The following ZDHHC17 variants were observed in gnomAD, a reference collection of about 807,000 sequenced individuals.
The protein encoded by ZDHHC17 is zDHHC palmitoyltransferase 17.
A neutral mutation model predicts 90.3 loss-of-function variants in ZDHHC17; 40 were observed. That is an observed-to-expected ratio of 0.44 (90% CI 0.34 to 0.58). The LOEUF (loss-of-function observed/expected upper bound fraction) is 0.58, where lower values mean the gene tolerates loss of function less well. Among genes scored for constraint, ZDHHC17 ranks in the 20% least tolerant of loss-of-function variants. The probability of loss-of-function intolerance (pLI) is 0.01; values close to 1 mark genes in which losing one functional copy is unlikely to be tolerated. For missense variants in ZDHHC17, 614 were observed against 780.8 expected (o/e 0.79, Z 2.55); for synonymous variants, 235 against 252.4 (o/e 0.93, Z 0.65).
chr12:76,770,715 A>G (rs952939867), intron 1 of ZDHHC17, among the ~76,000 whole-genome samples: 13 of 152,240 alleles, frequency 8.5e-5, no homozygotes, highest in African/African-American at 3.1e-4. Context: ...AGGCTGGCAG[A>G]TCTCCTGAGG....
At chr12:76,781,026 C>T (rs1313016965) in intron 1 of ZDHHC17, among the ~76,000 whole-genome samples, 7 of 147,602 alleles carry the variant, frequency 4.7e-5, no homozygotes, top group African/African-American at 1.3e-4. Flanking sequence ...CCCAGCTACT[C>T]GGGAGGCTGA....
At chr12:76,815,116 G>A (rs375994189) in intron 5 of ZDHHC17, 30 bp from the exon 6 acceptor site, 6 of 1,505,328 alleles carry the variant, frequency 4.0e-6, no homozygotes, top group Admixed American at 2.1e-5. Flanking sequence ...TAATTTAACT[G>A]TCTGACTTTT....
chr12:76,820,575 C>G (rs756917834), intron 7 of ZDHHC17, among the ~76,000 whole-genome samples: 3 of 152,122 alleles, frequency 2.0e-5, no homozygotes, highest in Non-Finnish European at 4.4e-5. Flanking sequence ...TATAAAATTA[C>G]TGAGCTCTGT....
At chr12:76,818,152 T>C (rs546917619) in intron 7 of ZDHHC17, among the ~76,000 whole-genome samples, 2 of 152,338 alleles carry the variant, frequency 1.3e-5, no homozygotes, top group East Asian at 1.9e-4. Context: ...TAAGGAATTA[T>C]TGTATTTGCT....
intron 7 of ZDHHC17, among the ~76,000 whole-genome samples, chr12:76,817,644 T>C (rs912251673): frequency 2.0e-5 from 3 of 152,068 alleles, no homozygotes; most frequent in African/African-American, 7.2e-5. Flanking sequence ...GTCACAGTCA[T>C]TGGGATTTGA....
intron 2 of ZDHHC17, 76 bp downstream of exon 2, chr12:76,797,613 T>G (rs1952836032): frequency 1.7e-6 from 2 of 1,197,294 alleles, no homozygotes; most frequent in Non-Finnish European, 2.3e-6. Flanking sequence ...ACAGTCATAT[T>G]ACTTTGGGAA....
Position 76,846,691 on chromosome 12 carries a change from T to A in ZDHHC17, c.1507+12T>A. On this transcript the variant is annotated intron_variant, in intron 14 of 16. Transcript: ENST00000426126. ...TGGTTGTATATCTTGTGAGTACAAT[T>A]AGTTTTCGGTCTTTTTAAAACAAAT... 1 of 1,590,464 alleles carries A rather than the reference T, an allele frequency of 6.3e-7. No homozygotes were observed. Among genetic ancestry groups the A allele is most frequent in the Non-Finnish European group, 8.6e-7 (1 of 1,164,816 alleles).
intron 7 of ZDHHC17, among the ~76,000 whole-genome samples, chr12:76,821,579 G>A (rs1438686290): frequency 6.6e-6 from 1 of 151,862 alleles, no homozygotes. Context: ...TTGAAACTTT[G>A]GTAAGCATTT....
chr12:76,811,788 T>C (rs574436807), intron 5 of ZDHHC17, among the ~76,000 whole-genome samples: 1 of 152,260 alleles, frequency 6.6e-6, no homozygotes, highest in East Asian at 1.9e-4. Flanking sequence ...TAAGAGATTT[T>C]ATTCCATGTA....
chr12:76,788,570 A>G (rs1337108228), intron 1 of ZDHHC17, among the ~76,000 whole-genome samples: 1 of 152,150 alleles, frequency 6.6e-6, no homozygotes, highest in Non-Finnish European at 1.5e-5. Context: ...TAAAAGTGTA[A>G]TACAAATATA....
At chr12:76,801,098 G>A (rs1952882449) in intron 2 of ZDHHC17, among the ~76,000 whole-genome samples, 2 of 151,052 alleles carry the variant, frequency 1.3e-5, no homozygotes, top group Admixed American at 1.3e-4. Context: ...ATGTTGGTCA[G>A]GCTGGTCTCA....
At chr12:76,798,437 GTGGAAGT>G (rs1449889302) in intron 2 of ZDHHC17, among the ~76,000 whole-genome samples, 3 of 152,066 alleles carry the variant, frequency 2.0e-5, no homozygotes, top group Non-Finnish European at 4.4e-5. Context: ...TTGGACAGAT[GTGGAAGT>G]TCATGCCTGT....
At chr12:76,804,684 G>A (rs552062066) in intron 2 of ZDHHC17, among the ~76,000 whole-genome samples, 19 of 152,300 alleles carry the variant, frequency 1.2e-4, no homozygotes, top group African/African-American at 1.9e-4. Flanking sequence ...CTTAGGCGGC[G>A]TCTGGGAAGA....
Position 76,847,513 on chromosome 12 carries a change from A to G in ZDHHC17, c.1508-720A>G, listed in dbSNP as rs562669444. ...AGAATACTTTCTTGCCAACAACAGC[A>G]GTATTTTATAGCAACTCTCCTACAG... On this transcript the variant is annotated intron_variant, in intron 14 of 16. Transcript: ENST00000426126. Among the ~76,000 whole-genome samples, 48 of 152,322 alleles carry G rather than the reference A, an allele frequency of 3.2e-4. 1 individual carries two copies. The South Asian group carries it at 9.5e-3, about 30-fold the overall frequency.
intron 10 of ZDHHC17, among the ~76,000 whole-genome samples, chr12:76,839,003 T>TGAA (rs1156902595): frequency 1.3e-5 from 2 of 152,168 alleles, no homozygotes; most frequent in African/African-American, 4.8e-5. Context: ...GCAGTCTTTG[T>TGAA]AGCTTGCAGA....
At chr12:76,790,186 A>G (rs958141770) in intron 1 of ZDHHC17, among the ~76,000 whole-genome samples, 2 of 152,060 alleles carry the variant, frequency 1.3e-5, no homozygotes, top group African/African-American at 4.8e-5. Context: ...GGAGAGAAAC[A>G]TATGCATATA....
intron 1 of ZDHHC17, among the ~76,000 whole-genome samples, chr12:76,773,479 A>G (rs1212478157): frequency 1.3e-5 from 2 of 152,200 alleles, no homozygotes; most frequent in Non-Finnish European, 2.9e-5. Flanking sequence ...CCATTCACCC[A>G]CTGAAGGACG....
At chr12:76,848,754 CAGAG>C (rs1318978671) in intron 15 of ZDHHC17, among the ~76,000 whole-genome samples, 1 of 151,978 alleles carries the variant, frequency 6.6e-6, no homozygotes, top group Admixed American at 6.6e-5. Flanking sequence ...AGCTCATTCT[CAGAG>C]AGGCTGATAG....
intron 12 of ZDHHC17, chr12:76,844,531 G>C (rs1171163856): frequency 1.3e-5 from 2 of 152,122 alleles, no homozygotes; most frequent in African/African-American, 2.4e-5. Context: ...TTGAGACCAA[G>C]TCACACCTTA....
Sources: allele counts gnomAD v4.1 joint callset (sites outside exome capture counted in the v4.1 genomes callset), GRCh38; gene constraint gnomAD v4.1.1; transcripts MANE v1.5; gene names NCBI Gene and HGNC (gene_info 2026-07-23, HGNC 2026-07-21).